Variants in PCDH15 observed in about 807,000 individuals in gnomAD.
PCDH15 encodes protocadherin-15.
In PCDH15, 129 loss-of-function variants were observed where a neutral mutation model predicts 178.5. That is an observed-to-expected ratio of 0.72 (90% CI 0.63 to 0.84). The LOEUF is 0.84. Among genes scored for constraint, PCDH15 ranks in the 40% least tolerant of loss-of-function variants. The probability of loss-of-function intolerance (pLI) is 0.00; values close to 1 mark genes in which losing one functional copy is unlikely to be tolerated. For missense variants in PCDH15, 2,230 were observed against 2,099.9 expected (o/e 1.06, Z -1.21); for synonymous variants, 800 against 732.0 (o/e 1.09, Z -1.50).
At chr10:55,331,065 C>A (rs992965494) in intron 2 of PCDH15, among the ~76,000 whole-genome samples, 3 of 151,774 alleles carry the variant, frequency 2.0e-5, no homozygotes, top group Non-Finnish European at 4.4e-5. Flanking sequence ...TTAAGAAATT[C>A]TCTTCTCAAG....
At chr10:54,453,561 G>A (rs906041184) in intron 3 of PCDH15, among the ~76,000 whole-genome samples, 1 of 151,748 alleles carries the variant, frequency 6.6e-6, no homozygotes, top group Admixed American at 6.6e-5. Context: ...GTTAAATGAC[G>A]AGTTAATGGG....
chr10:54,523,859 G>A lies in PCDH15; in HGVS notation c.157+3953C>T, dbSNP rs547201713. 9.2e-5 allele frequency among the ~76,000 whole-genome samples: 14 copies of A among 152,220 alleles called. No individual in the cohort carries two copies. The South Asian group carries it at 2.7e-3, about 29-fold the overall frequency. ...AGTCAATATTTGATCATAAGGAATG[G>A]AAGAAATGAAATAACTGTTTACGGC... On this transcript the variant is annotated intron_variant, in intron 3 of 37. Transcript: ENST00000644397.
intron 1 of PCDH15, among the ~76,000 whole-genome samples, chr10:55,278,781 T>A (rs1842657281): frequency 6.6e-6 from 1 of 152,206 alleles, no homozygotes; most frequent in Non-Finnish European, 1.5e-5. Context: ...GGATTATGTT[T>A]TGAGAGTTTC....
At chr10:55,081,482 C>T (rs551914548) in intron 2 of PCDH15, among the ~76,000 whole-genome samples, 1 of 152,224 alleles carries the variant, frequency 6.6e-6, no homozygotes, top group South Asian at 2.1e-4. Flanking sequence ...GTACTTTCAT[C>T]TTAATGTTTG....
chr10:53,926,092 T>C (rs1452277472), intron 25 of PCDH15, among the ~76,000 whole-genome samples: 1 of 152,220 alleles, frequency 6.6e-6, no homozygotes, highest in African/African-American at 2.4e-5. Context: ...TTATAACCAG[T>C]CATCAAGTCC....
intron 13 of PCDH15, among the ~76,000 whole-genome samples, chr10:54,157,730 A>G (rs754512802): frequency 6.6e-6 from 1 of 152,178 alleles, no homozygotes; most frequent in Non-Finnish European, 1.5e-5. Context: ...AAATTTTCCA[A>G]ACTTTTATGT....
chr10:54,773,020 A>C (rs181213517), intron 1 of PCDH15, among the ~76,000 whole-genome samples: 1 of 152,168 alleles, frequency 6.6e-6, no homozygotes, highest in Non-Finnish European at 1.5e-5. Context: ...AGGAACAGAA[A>C]AGCAAGCATT....
chr10:54,698,838 G>C (rs1053846510), intron 1 of PCDH15, among the ~76,000 whole-genome samples: 1 of 151,964 alleles, frequency 6.6e-6, no homozygotes, highest in South Asian at 2.1e-4. Flanking sequence ...TCTTTAGAAG[G>C]CACCATTTTT....
At chr10:54,279,460 T>C (rs1019266269) in intron 8 of PCDH15, among the ~76,000 whole-genome samples, 3 of 151,644 alleles carry the variant, frequency 2.0e-5, no homozygotes, top group African/African-American at 4.8e-5. Flanking sequence ...TTCAAAAAAA[T>C]GTTCGCTGTT....
Position 54,378,820 on chromosome 10 carries a change from G to C in PCDH15, c.280C>G (p.Leu94Val), listed in dbSNP as rs554296133. Residue 94 changes from leucine to valine, a missense_variant, in exon 4 of 38, where the codon CTT (leucine) becomes GTT (valine). By Grantham distance (32) the Leu-to-Val change is conservative. Transcript: ENST00000644397. ...WVLMDPVKQM[L>V]FLNSTGRVLD... ...ACTCTTCCGGTGCTGTTCAGGAAAA[G>C]CATTTGCTTAACAGGATCCATCAAC... is the stretch of plus-strand genomic sequence containing the variant. 2 of 1,613,824 alleles carry C rather than the reference G, an allele frequency of 1.2e-6. No individual in the cohort carries two copies. The highest frequency in any genetic ancestry group is 2.2e-5 in the South Asian group (2 of 91,086).
At chr10:55,276,560 TA>T (rs1842602464) in intron 1 of PCDH15, among the ~76,000 whole-genome samples, 1 of 151,728 alleles carries the variant, frequency 6.6e-6, no homozygotes, top group Non-Finnish European at 1.5e-5. Context: ...ATTCTGGAAT[TA>T]AAACCAACAA....
In PCDH15 at chr10:54,691,895, G is replaced by A. The variant is rs2095128050; in HGVS notation, c.-28-27605C>T. On this transcript the variant is annotated intron_variant, in intron 1 of 37. Coordinates refer to ENST00000644397, the MANE Select transcript of PCDH15 (RefSeq NM_001384140.1). The stretch of plus-strand genomic sequence containing the variant: ...GAGAACAGAAAAGTCAGCAAATTTG[G>A]AAATAGAAAGTTTATGTTCCGCCAC... Among the ~76,000 whole-genome samples the A allele has an allele frequency of 3.9e-5, 6 of 152,164 alleles. No homozygotes were observed. In the South Asian group the frequency reaches 1.2e-3, roughly 32 times the overall value.
intron 1 of PCDH15, among the ~76,000 whole-genome samples, chr10:55,238,368 T>G (rs1287317844): frequency 1.3e-5 from 2 of 151,980 alleles, no homozygotes; most frequent in Non-Finnish European, 2.9e-5. Flanking sequence ...GCCAGGATGG[T>G]CTCGATCTCC....
At chr10:54,065,710 T>A (rs1313008288) in intron 18 of PCDH15, among the ~76,000 whole-genome samples, 1 of 152,202 alleles carries the variant, frequency 6.6e-6, no homozygotes, top group Non-Finnish European at 1.5e-5. Flanking sequence ...ATAATGACTG[T>A]GGAGTTGGTA....
chr10:55,597,398 C>A (rs1842958402), intron 2 of PCDH15, among the ~76,000 whole-genome samples: 2 of 152,004 alleles, frequency 1.3e-5, no homozygotes, highest in African/African-American at 2.4e-5. Flanking sequence ...TAAGAGGTAC[C>A]CTTGCCGACC....
chr10:55,523,362 TTAA>T (rs1565221325), intron 2 of PCDH15, among the ~76,000 whole-genome samples: 1 of 151,596 alleles, frequency 6.6e-6, no homozygotes, highest in Non-Finnish European at 1.5e-5. Context: ...AATTAAAAAA[TTAA>T]TAATATCTTT....
chr10:53,951,707 G>T (rs1362618221), intron 23 of PCDH15, among the ~76,000 whole-genome samples: 1 of 152,198 alleles, frequency 6.6e-6, no homozygotes, highest in African/African-American at 2.4e-5. Context: ...AGCCTCTGTG[G>T]CTGGTGGCAC....
rs1362842480 is a variant in PCDH15 at position 55,345,496 on chromosome 10, A to AG, written c.-155-178846_-155-178845insC. On this transcript the variant is annotated intron_variant, in intron 2 of 5. Coordinates refer to the PCDH15 transcript ENST00000613346. ...CCCTAAGCCAGAGTTGAACTATGGCAATTCCTCCACCCTCTTGTCGGTCCT... is the reference window on the plus strand; with the variant it reads ...CCCTAAGCCAGAGTTGAACTATGGCAGATTCCTCCACCCTCTTGTCGGTCCT... Among the ~76,000 whole-genome samples the AG allele has an allele frequency of 2.6e-5, 4 of 152,110 alleles. No homozygotes were observed. In the East Asian group the frequency reaches 7.7e-4, roughly 29 times the overall value.
intron 2 of PCDH15, among the ~76,000 whole-genome samples, chr10:55,394,535 C>G (rs1187763784): frequency 6.6e-6 from 1 of 151,930 alleles, no homozygotes; most frequent in Non-Finnish European, 1.5e-5. Flanking sequence ...CAATATACAG[C>G]CAGGATTGAA....
Sources: gnomAD v4.1 joint callset for allele counts (sites outside exome capture counted in the v4.1 genomes callset) on GRCh38, gnomAD v4.1.1 for gene constraint, MANE v1.5 for transcripts, NCBI Gene and HGNC (gene_info 2026-07-23, HGNC 2026-07-21) for gene names.